Variants in PRKAG2 observed in about 807,000 individuals in gnomAD.
PRKAG2 encodes protein kinase AMP-activated non-catalytic subunit gamma 2.
A neutral mutation model predicts 69.6 loss-of-function variants in PRKAG2; 26 were observed. The observed-to-expected ratio is 0.37, with a 90% CI of 0.27 to 0.52. PRKAG2 has a LOEUF of 0.52. Among genes scored for constraint, PRKAG2 ranks in the 20% least tolerant of loss-of-function variants. The pLI is 0.90. For missense variants in PRKAG2, 557 were observed against 740.0 expected, an observed-to-expected ratio of 0.75 and a Z score of 2.87; for synonymous variants, 293 against 285.0, an observed-to-expected ratio of 1.03 and a Z score of -0.28.
At chr7:151,795,881 ATATATATATC>A (rs2077504090) in intron 1 of PRKAG2, among the ~76,000 whole-genome samples, 2 of 117,062 alleles carry the variant, frequency 1.7e-5, no homozygotes, top group African/African-American at 6.8e-5. Flanking sequence ...ATATATATAT[ATATATATATC>A]ACGATAATAT....
chr7:151,688,042 G>GCCACCCC (rs1554539802), intron 3 of PRKAG2, among the ~76,000 whole-genome samples: 1 of 106,982 alleles, frequency 9.3e-6, no homozygotes, highest in Non-Finnish European at 2.0e-5. Flanking sequence ...AGGAAATGAG[G>GCCACCCC]CCCCCCCCCG....
At chr7:151,839,964 G>A (rs1269015038) in intron 1 of PRKAG2, among the ~76,000 whole-genome samples, 1 of 152,178 alleles carries the variant, frequency 6.6e-6, no homozygotes, top group Non-Finnish European at 1.5e-5. Context: ...GGACAATTGG[G>A]GGCAGGGCTC....
chr7:151,786,650 A>G, intron 1 of PRKAG2, 109 bp from the exon 2 acceptor site: 1 of 893,232 alleles, frequency 1.1e-6, no homozygotes. Flanking sequence ...TTATCCTTCA[A>G]ATCCACCATG....
chr7:151,659,991 C>T (rs887234844), intron 4 of PRKAG2, among the ~76,000 whole-genome samples: 4 of 152,092 alleles, frequency 2.6e-5, no homozygotes, highest in East Asian at 1.9e-4. Flanking sequence ...GCTGGGAGTT[C>T]GAGGTTACAG....
At position 151,595,396 on chromosome 7, in the gene PRKAG2, A is replaced by G. The variant is rs1814236823; in HGVS notation, c.813T>C (p.Tyr271=). 1 of 1,614,128 alleles carries G rather than the reference A, an allele frequency of 6.2e-7. No homozygotes were observed. Among genetic ancestry groups the G allele is most frequent in the Non-Finnish European group, 8.5e-7 (1 of 1,180,008 alleles). ...GCTTTGAACTGGTTGGAACGATGTC[A>G]TAACACTTGTGTGACCTCATGAATC... The part of the protein sequence containing the change: ...YMRFMRSHKC[Y]DIVPTSSKLV... The change falls in exon 6 of 16, where the codon TAT becomes TAC. Residue 271 remains tyrosine, a synonymous_variant. Coordinates refer to ENST00000287878, the MANE Select transcript of PRKAG2 (RefSeq NM_016203.4).
chr7:151,799,897 G>C (rs944558583), intron 1 of PRKAG2, among the ~76,000 whole-genome samples: 1 of 152,194 alleles, frequency 6.6e-6, no homozygotes, highest in African/African-American at 2.4e-5. Context: ...TCCCTCACGG[G>C]TGGGCTAACA....
chr7:151,871,444 G>A (rs913791356), intron 1 of PRKAG2, among the ~76,000 whole-genome samples: 3 of 152,186 alleles, frequency 2.0e-5, no homozygotes, highest in Admixed American at 6.5e-5. Flanking sequence ...AGAATGTGCC[G>A]TCAGTCCTTC....
At chr7:151,830,195 G>A (rs2078992957) in intron 1 of PRKAG2, among the ~76,000 whole-genome samples, 2 of 149,610 alleles carry the variant, frequency 1.3e-5, no homozygotes, top group African/African-American at 4.9e-5. Context: ...TTTGCCATTC[G>A]CCATTCTCAG....
chr7:151,658,479 T>TCA (rs1829831363), intron 4 of PRKAG2, among the ~76,000 whole-genome samples: 1 of 97,712 alleles, frequency 1.0e-5, no homozygotes, highest in African/African-American at 5.4e-5. Flanking sequence ...AGCAAGATTG[T>TCA]CGCAAAAAAA....
chr7:151,843,230 T>C (rs547785113), intron 1 of PRKAG2, among the ~76,000 whole-genome samples: 7 of 152,280 alleles, frequency 4.6e-5, no homozygotes, highest in African/African-American at 1.7e-4. Flanking sequence ...TCCACATGTC[T>C]AGAACCTGGA....
intron 1 of PRKAG2, among the ~76,000 whole-genome samples, chr7:151,871,929 C>A (rs567200340): frequency 6.6e-6 from 1 of 152,286 alleles, no homozygotes; most frequent in Non-Finnish European, 1.5e-5. Context: ...GAGGAGGCCA[C>A]CAAATGACCC....
intron 6 of PRKAG2, among the ~76,000 whole-genome samples, chr7:151,587,993 A>C (rs562717715): frequency 1.3e-3 from 193 of 152,136 alleles, no homozygotes; most frequent in African/African-American, 4.1e-3. Flanking sequence ...GTTTCTGTAC[A>C]TCTAAAACTC....
chr7:151,798,106 G>C (rs1194442837), intron 1 of PRKAG2, among the ~76,000 whole-genome samples: 2 of 152,182 alleles, frequency 1.3e-5, no homozygotes, highest in African/African-American at 4.8e-5. Context: ...CTGGGTTCAA[G>C]TGATTCTCCT....
At chr7:151,630,984 G>T (rs997144500) in intron 5 of PRKAG2, among the ~76,000 whole-genome samples, 8 of 152,228 alleles carry the variant, frequency 5.3e-5, no homozygotes, top group Admixed American at 5.2e-4. Flanking sequence ...ATGCTGCAGT[G>T]AATCTCAAAG....
chr7:151,592,544 T>G (rs1372665463), intron 6 of PRKAG2, among the ~76,000 whole-genome samples: 1 of 152,066 alleles, frequency 6.6e-6, no homozygotes, highest in Non-Finnish European at 1.5e-5. Context: ...GTTCTACTCC[T>G]GTCTGCGCAC....
chr7:151,874,053 T>C lies in PRKAG2; in HGVS notation c.114+2454A>G, dbSNP rs191491904. 3.8e-3 allele frequency among the ~76,000 whole-genome samples: 529 copies of C among 140,284 alleles called. 11 individuals are homozygous for C. Among genetic ancestry groups the C allele is most frequent in the African/African-American group, 0.013 (507 of 38,334 alleles). 92.0% of individuals were successfully genotyped at this position (140,284 alleles called of 152,430 possible). On this transcript the variant is annotated intron_variant, in intron 1 of 15. Coordinates refer to ENST00000287878, the MANE Select transcript of PRKAG2 (RefSeq NM_016203.4). ...TATATGTATATGATGTATATGTATGTATATGTATATGTATATGATGTATAT... is the reference window on the plus strand; with the variant it reads ...TATATGTATATGATGTATATGTATGCATATGTATATGTATATGATGTATAT...
intron 3 of PRKAG2, among the ~76,000 whole-genome samples, chr7:151,713,287 T>C (rs1380574649): frequency 6.6e-6 from 1 of 152,192 alleles, no homozygotes; most frequent in Non-Finnish European, 1.5e-5. Context: ...TTGTGGACTT[T>C]GTTTCCTTTT....
intron 3 of PRKAG2, among the ~76,000 whole-genome samples, chr7:151,715,167 C>G (rs1160607663): frequency 6.7e-6 from 1 of 148,264 alleles, no homozygotes; most frequent in Non-Finnish European, 1.5e-5. Flanking sequence ...AGGTGCGTGC[C>G]ACCATGCCCA....
chr7:151,810,148 C>T (rs1393916739), intron 1 of PRKAG2: 1 of 152,180 alleles, frequency 6.6e-6, no homozygotes, highest in Non-Finnish European at 1.5e-5. Flanking sequence ...GCAAGTGGAC[C>T]CTAGTAGACC....
Sources: allele counts gnomAD v4.1 joint callset (sites outside exome capture counted in the v4.1 genomes callset), GRCh38; gene constraint gnomAD v4.1.1; transcripts MANE v1.5; gene names NCBI Gene and HGNC (gene_info 2026-07-23, HGNC 2026-07-21).